BCKDHB: variants seen among roughly 807,000 people sequenced by gnomAD.
The protein encoded by BCKDHB is branched chain keto acid dehydrogenase E1 subunit beta, also known as 2-oxoisovalerate dehydrogenase subunit beta, mitochondrial.
BCKDHB carries 41 observed loss-of-function variants against 48.5 expected under a neutral mutation model. The ratio of observed to expected loss-of-function variants is 0.85; its 90% CI spans 0.66 to 1.10. The LOEUF is 1.10. Among genes scored for constraint, BCKDHB ranks in the 50% least tolerant of loss-of-function variants. The probability of loss-of-function intolerance (pLI) is 0.00; values close to 1 mark genes in which losing one functional copy is unlikely to be tolerated. For synonymous variants in BCKDHB, 201 were observed against 174.8 expected, an observed-to-expected ratio of 1.15 and a Z score of -1.18; for missense variants, 496 against 494.2, an observed-to-expected ratio of 1.00 and a Z score of -0.03.
At chr6:80,146,945 G>T (rs547828436) in intron 3 of BCKDHB, among the ~76,000 whole-genome samples, 1 of 152,190 alleles carries the variant, frequency 6.6e-6, no homozygotes, top group South Asian at 2.1e-4. Context: ...GTTACTGCGG[G>T]AGAAGGGGAG....
chr6:80,214,596 TA>T (rs1471120982), intron 8 of BCKDHB, among the ~76,000 whole-genome samples: 2 of 152,178 alleles, frequency 1.3e-5, no homozygotes, highest in East Asian at 3.8e-4. Flanking sequence ...AGGGAGCTAG[TA>T]ACTACCTATA....
intron 9 of BCKDHB, among the ~76,000 whole-genome samples, chr6:80,277,151 A>G (rs1777998622): frequency 6.6e-6 from 1 of 152,046 alleles, no homozygotes; most frequent in Non-Finnish European, 1.5e-5. Context: ...TGTGCACCGT[A>G]ATTTGTGGAA....
chr6:80,199,486 A>G (rs1164760033), intron 6 of BCKDHB, among the ~76,000 whole-genome samples: 1 of 152,004 alleles, frequency 6.6e-6, no homozygotes, highest in Non-Finnish European at 1.5e-5. Flanking sequence ...TCGCATAAGA[A>G]CTCAAGAATG....
At chr6:80,255,295 A>G (rs1777003384) in intron 8 of BCKDHB, among the ~76,000 whole-genome samples, 2 of 152,192 alleles carry the variant, frequency 1.3e-5, no homozygotes, top group African/African-American at 2.4e-5. Context: ...TGCTGTTAAT[A>G]TTTTCAAAAC....
At chr6:80,351,776 G>A in the BCKDHB span, among the ~76,000 whole-genome samples, 1 of 150,160 alleles carries the variant, frequency 6.7e-6, no homozygotes, top group South Asian at 2.1e-4. Context: ...CTGAGTAACT[G>A]GGACTACAAA....
intron 6 of BCKDHB, among the ~76,000 whole-genome samples, chr6:80,179,857 A>G (rs1031836690): frequency 6.6e-6 from 1 of 152,156 alleles, no homozygotes; most frequent in East Asian, 1.9e-4. Context: ...ATGTCCCCAG[A>G]TAGAGGCAAA....
At chr6:80,240,579 G>T (rs990790618) in intron 8 of BCKDHB, among the ~76,000 whole-genome samples, 1 of 152,116 alleles carries the variant, frequency 6.6e-6, no homozygotes, top group Non-Finnish European at 1.5e-5. Flanking sequence ...AGACGATGGG[G>T]TTTTCTAAAT....
the BCKDHB span, among the ~76,000 whole-genome samples, chr6:80,428,185 C>G: frequency 2.0e-5 from 3 of 152,142 alleles, no homozygotes; most frequent in African/African-American, 4.8e-5. Flanking sequence ...AACCATGTCC[C>G]TGCAAAGGAC....
At chr6:80,340,769 T>A (rs912005562) in intron 9 of BCKDHB, among the ~76,000 whole-genome samples, 1 of 152,008 alleles carries the variant, frequency 6.6e-6, no homozygotes, top group Non-Finnish European at 1.5e-5. Context: ...TCGGTATTTT[T>A]TTTCTGTGTG....
the BCKDHB span, among the ~76,000 whole-genome samples, chr6:80,452,703 A>C: frequency 3.7e-4 from 56 of 152,302 alleles, no homozygotes; most frequent in African/African-American, 1.3e-3. Context: ...TTAGAAGCAG[A>C]ATGTTGTAGG....
intron 6 of BCKDHB, among the ~76,000 whole-genome samples, chr6:80,195,038 T>A (rs1443546210): frequency 6.6e-6 from 1 of 152,194 alleles, no homozygotes; most frequent in Non-Finnish European, 1.5e-5. Flanking sequence ...CCAAACATGC[T>A]CTCAATAATC....
the BCKDHB span, among the ~76,000 whole-genome samples, chr6:80,375,311 A>G: frequency 2.0e-5 from 3 of 152,316 alleles, no homozygotes; most frequent in Non-Finnish European, 4.4e-5. Context: ...GTTGTTTAAC[A>G]TGATCCCAAA....
chr6:80,129,966 T>C (rs1770548261), intron 3 of BCKDHB, among the ~76,000 whole-genome samples: 2 of 152,232 alleles, frequency 1.3e-5, no homozygotes, highest in South Asian at 4.1e-4. Context: ...CCTGGTCAAG[T>C]TGACATATAA....
At chr6:80,232,847 TA>T (rs918847566) in intron 8 of BCKDHB, among the ~76,000 whole-genome samples, 2 of 151,582 alleles carry the variant, frequency 1.3e-5, no homozygotes, top group African/African-American at 2.4e-5. Flanking sequence ...GCAAGCATAT[TA>T]AAAAAATAAC....
intron 9 of BCKDHB, among the ~76,000 whole-genome samples, chr6:80,298,818 A>G (rs1767401087): frequency 1.3e-5 from 2 of 152,194 alleles, no homozygotes; most frequent in South Asian, 4.1e-4. Flanking sequence ...CACTCATTGC[A>G]GCCAACGCTG....
chr6:80,276,901 G>A (rs902241775), intron 9 of BCKDHB, among the ~76,000 whole-genome samples: 11 of 151,940 alleles, frequency 7.2e-5, no homozygotes, highest in African/African-American at 2.7e-4. Flanking sequence ...AATTTACGAA[G>A]TGCTTTATAT....
intron 8 of BCKDHB, 146 bp downstream of exon 8, chr6:80,203,358 A>C: frequency 1.5e-6 from 1 of 671,274 alleles, no homozygotes; most frequent in Admixed American, 2.3e-5. Flanking sequence ...CATGAAAGAA[A>C]GTTGTATAAA....
chr6:80,249,820 A>G (rs1776761538), intron 8 of BCKDHB, among the ~76,000 whole-genome samples: 1 of 152,218 alleles, frequency 6.6e-6, no homozygotes, highest in Non-Finnish European at 1.5e-5. Flanking sequence ...CCTGCCATGG[A>G]AGCTAAATTA....
At chr6:80,279,205 G>A (rs1049442543) in intron 9 of BCKDHB, among the ~76,000 whole-genome samples, 1 of 152,012 alleles carries the variant, frequency 6.6e-6, no homozygotes, top group Non-Finnish European at 1.5e-5. Flanking sequence ...CCAGGCTGGA[G>A]TGCAGTGGTG....
Sources: gnomAD v4.1 joint callset for allele counts (sites outside exome capture counted in the v4.1 genomes callset) on GRCh38, gnomAD v4.1.1 for gene constraint, MANE v1.5 for transcripts, NCBI Gene and HGNC (gene_info 2026-07-23, HGNC 2026-07-21) for gene names.